PLXNA3: variants seen among roughly 807,000 people sequenced by gnomAD.
PLXNA3 encodes the protein plexin A3.
In PLXNA3, 52 loss-of-function variants were observed where a neutral mutation model predicts 118.8. The observed-to-expected ratio is 0.44, with a 90% CI of 0.35 to 0.55. The LOEUF is 0.55. PLXNA3 is among the 20% of genes least tolerant of loss of function. The pLI is 0.01. For missense variants in PLXNA3, 1,660 were observed against 1,730.8 expected, an observed-to-expected ratio of 0.96 and a Z score of 0.73; for synonymous variants, 925 against 762.4, an observed-to-expected ratio of 1.21 and a Z score of -3.51.
chrX:154,469,310 T>C (rs1474977553), intron 26 of PLXNA3, 69 bp from the exon 27 acceptor site: 4 of 1,156,005 alleles, frequency 3.5e-6, no homozygotes, highest in Admixed American at 2.2e-5. Flanking sequence ...GAACCCTGTT[T>C]CCAAAGAGGA....
Position 154,466,367 on chromosome X carries a change from C to G in PLXNA3, c.2800-9C>G. 1 of 1,211,709 alleles carries G rather than the reference C, an allele frequency of 8.3e-7. No homozygotes were observed. Among genetic ancestry groups the G allele is most frequent in the Non-Finnish European group, 1.1e-6 (1 of 895,555 alleles). ...CCGGCTCCTCCCCTCAGGGCAGCTT[C>G]TCCCGCAGACCCCAACGTTTGACCA... is the stretch of plus-strand genomic sequence containing the variant. On this transcript the variant is annotated splice_polypyrimidine_tract_variant and intron_variant, in intron 15 of 32. Coordinates refer to ENST00000369682, the MANE Select transcript of PLXNA3 (RefSeq NM_017514.5).
intron 4 of PLXNA3, 51 bp from the exon 5 acceptor site, chrX:154,463,340 T>C (rs782114621): frequency 2.3e-5 from 28 of 1,205,194 alleles, no homozygotes; most frequent in African/African-American, 1.1e-4. Context: ...GAGAAGACAG[T>C]GTCCCAGGTG....
intron 2 of PLXNA3, 84 bp from the exon 3 acceptor site, chrX:154,461,014 AG>A (rs2148244087): frequency 3.5e-6 from 3 of 868,722 alleles, no homozygotes; most frequent in East Asian, 6.3e-5. Context: ...TCCAGGCGGG[AG>A]GGGGATGCAG....
Position 154,464,750 on chromosome X carries a change from C to A in PLXNA3, c.1929-4C>A. The A allele has an allele frequency of 8.7e-7, 1 of 1,143,472 alleles. No homozygotes were observed. The highest frequency in any genetic ancestry group is 1.2e-6 in the Non-Finnish European group (1 of 849,080). 94.2% of individuals were successfully genotyped at this position (1,143,472 alleles called of 1,213,427 possible). ...TGTTATTTCTGAAGCCACTTCCCCC[C>A]CAGGTGCATGTCCTGTGTTGGCAGC... is the stretch of plus-strand genomic sequence containing the variant. On this transcript the variant is annotated splice_polypyrimidine_tract_variant and splice_region_variant and intron_variant, in intron 9 of 32. Coordinates refer to ENST00000369682, the MANE Select transcript of PLXNA3 (RefSeq NM_017514.5).
Position 154,470,185 on chromosome X carries a change from G to A in PLXNA3, c.4986+18G>A. The A allele has an allele frequency of 1.7e-6, 2 of 1,195,303 alleles. No homozygotes were observed. Among genetic ancestry groups the A allele is most frequent in the South Asian group, 3.6e-5 (2 of 55,055 alleles). ...CCACCAAGGTATGGGCCTGCCTCTC[G>A]CCACCTTGGCCTCCGCCCAGAGGTT... On this transcript the variant is annotated intron_variant, in intron 29 of 32. Coordinates refer to ENST00000369682, the MANE Select transcript of PLXNA3 (RefSeq NM_017514.5).
chrX:154,468,976 G>T lies in PLXNA3; in HGVS notation c.4434+7G>T. On this transcript the variant is annotated splice_region_variant and intron_variant, in intron 25 of 32. Transcript: ENST00000369682. ...GATCGACTACAAGACACTGGTGAGC[G>T]CAGGGCCAGGCGGGCCAGAGGTAGG... 1 of 1,211,191 alleles carries T rather than the reference G, an allele frequency of 8.3e-7. No individual in the cohort carries two copies. The highest frequency in any genetic ancestry group is 1.1e-6 in the Non-Finnish European group (1 of 895,101).
At position 154,460,307 on chromosome X, in the gene PLXNA3, A is replaced by G. The variant is rs782698823; in HGVS notation, c.124A>G (p.Thr42Ala). Residue 42 changes from threonine to alanine, a missense_variant, in exon 2 of 33, where the codon ACT becomes GCT. Around this residue, in one of 2 missense-constraint regions of PLXNA3, gnomAD observed 791 missense variants for 652.1 expected, o/e 1.21. Transcript: ENST00000369682. Reference protein sequence around the residue: ...TLTHLAVHRVTGEVFVGAVNR... With the variant: ...TLTHLAVHRVAGEVFVGAVNR... ...TACCCACCTGGCTGTGCACCGGGTG[A>G]CTGGGGAGGTGTTCGTGGGCGCAGT... 1 of 1,209,575 alleles carries G rather than the reference A, an allele frequency of 8.3e-7. No individual in the cohort carries two copies. The highest frequency in any genetic ancestry group is 3.0e-5 in the East Asian group (1 of 33,832).
rs1362877113 is a variant in PLXNA3 at position 154,458,336 on chromosome X, AGGCCGTGGGGACGTGCGAGCGG to A, written c.-114_-93del. 1 of 108,333 alleles carries A rather than the reference AGGCCGTGGGGACGTGCGAGCGG, an allele frequency of 9.2e-6. No individual in the cohort carries two copies. The highest frequency in any genetic ancestry group is 1.9e-5 in the Non-Finnish European group (1 of 51,492). 8.9% of individuals were successfully genotyped at this position (108,333 alleles called of 1,213,427 possible). A position where few individuals can be genotyped will look rare whatever the true frequency, so the allele number is the denominator to read the frequency against. ...CGCTTGGGGCCCGGGGCGCGGGGCG[AGGCCGTGGGGACGTGCGAGCGG>A]GGCCGCGGTGGGGCTCGGGGGCGCG... On this transcript the variant is annotated 5_prime_UTR_variant, in exon 1 of 33. Transcript: ENST00000369682.
chrX:154,466,406 C>A lies in PLXNA3; in HGVS notation c.2830C>A (p.Arg944Ser). 1.7e-6 allele frequency: 2 copies of A among 1,211,274 alleles called. No homozygotes were observed. Among genetic ancestry groups the A allele is most frequent in the Non-Finnish European group, 2.2e-6 (2 of 895,389 alleles). Residue 944 changes from arginine to serine, a missense_variant, in exon 16 of 33, where the codon CGT becomes AGT. Arg to Ser is a moderately radical substitution (Grantham distance 110). Around this residue, in one of 2 missense-constraint regions of PLXNA3, gnomAD observed 869 missense variants for 1,078.7 expected, o/e 0.81. Coordinates refer to ENST00000369682, the MANE Select transcript of PLXNA3 (RefSeq NM_017514.5). ...AACGTTTGACCAAGTGAGTCCCAGC[C>A]GTGGCCCGGCGTCCGGGGGCACACG... is the stretch of plus-strand genomic sequence containing the variant. Reference protein sequence around the residue: ...TPTFDQVSPSRGPASGGTRLT... With the variant: ...TPTFDQVSPSSGPASGGTRLT...
intron 3 of PLXNA3, 145 bp from the exon 4 acceptor site, chrX:154,461,983 C>T: frequency 4.1e-6 from 2 of 488,693 alleles, no homozygotes; most frequent in Non-Finnish European, 6.8e-6. Flanking sequence ...CACCAATTTC[C>T]TGGAGCACCC....
Position 154,465,190 on chromosome X carries a change from G to A in PLXNA3, c.2216G>A (p.Ser739Asn), listed in dbSNP as rs1557206522. 1 of 1,209,256 alleles carries A rather than the reference G, an allele frequency of 8.3e-7. No individual in the cohort carries two copies. The highest frequency in any genetic ancestry group is 2.2e-5 in the Admixed American group (1 of 46,046). Residue 739 changes from serine to asparagine, a missense_variant, in exon 11 of 33, where the codon AGC (serine) becomes AAC (asparagine). Transcript: ENST00000369682. ...CGGGTGCCTGCCGTGCGCTTCAACA[G>A]CAGCAGTGTGCAGTGCCAGAACGCC... ...QQRVPAVRFN[S>N]SSVQCQNASY...
rs782335463 is a variant in PLXNA3 at position 154,465,979 on chromosome X, C to T, written c.2577C>T (p.Thr859=). The change falls in exon 14 of 33, where the codon ACC becomes ACT. Residue 859 remains threonine, a synonymous_variant. Coordinates refer to ENST00000369682, the MANE Select transcript of PLXNA3 (RefSeq NM_017514.5). ...VGPKEGGTRV[T]IVGENLGLLS... The stretch of plus-strand genomic sequence containing the variant: ...CCAAGGAAGGAGGCACCCGGGTCAC[C>T]ATCGTGGGTGAGAACCTGGGCCTCT... 1 of 1,210,041 alleles carries T rather than the reference C, an allele frequency of 8.3e-7. No individual in the cohort carries two copies. Among genetic ancestry groups the T allele is most frequent in the African/African-American group, 1.7e-5 (1 of 57,516 alleles).
rs148276636 is a variant in PLXNA3 at position 154,466,776 on chromosome X, C to T, written c.3090C>T (p.Pro1030=). The change falls in exon 17 of 33, where the codon CCC becomes CCT. Residue 1030 remains proline, a synonymous_variant. Coordinates refer to ENST00000369682, the MANE Select transcript of PLXNA3 (RefSeq NM_017514.5). ...ACCCCACCGTCACCCGCCTTGAGCC[C>T]ACCTGGAGCATCATCAAGTAAGACC... ...TQDPTVTRLE[P]TWSIINGSTA... 5.3e-5 allele frequency: 63 copies of T among 1,183,125 alleles called. No homozygotes were observed. The highest frequency in any genetic ancestry group is 6.8e-5 in the Non-Finnish European group (60 of 881,227).
rs782378456 is a variant in PLXNA3, at chrX:154,464,232, G to A, written c.1747G>A (p.Glu583Lys). 36 of 1,207,259 alleles carry A rather than the reference G, an allele frequency of 3.0e-5. No homozygotes were observed. The highest frequency in any genetic ancestry group is 2.1e-4 in the African/African-American group (12 of 57,556). Residue 583 changes from glutamate to lysine, a missense_variant, in exon 8 of 33, where the codon GAG (glutamate) becomes AAG (lysine). Transcript: ENST00000369682. ...CGCCTTCGAGGCGGCGGCGGAGAAC[G>A]AGGCGGTCCTGCTGCCCTCCGGTGA... is the stretch of plus-strand genomic sequence containing the variant. ...SCAFEAAAEN[E>K]AVLLPSGELL...
In PLXNA3 at chrX:154,465,413, C is replaced by T. The variant is rs782184116; in HGVS notation, c.2245-11C>T. 1 of 1,194,128 alleles carries T rather than the reference C, an allele frequency of 8.4e-7. No individual in the cohort carries two copies. Among genetic ancestry groups the T allele is most frequent in the South Asian group, 1.8e-5 (1 of 56,370 alleles). ...ATCTTATCTGGGGTCCCATGGGTTC[C>T]TTTCCTCCAGTACTCCTATGAAGGT... On this transcript the variant is annotated splice_polypyrimidine_tract_variant and intron_variant, in intron 11 of 32. Coordinates refer to ENST00000369682, the MANE Select transcript of PLXNA3 (RefSeq NM_017514.5).
In PLXNA3 at chrX:154,463,509, G is replaced by C. The variant is rs1344845201; in HGVS notation, c.1436G>C (p.Ser479Thr). ...SPDHRHIYLL[S>T]EKQVSQLPVE... The stretch of plus-strand genomic sequence containing the variant: ...GACCACCGGCACATCTATCTCCTGA[G>C]TGAGAAGCAGGTGGGCCTGTGGTGG... Residue 479 changes from serine (S) to threonine (T), a missense_variant, in exon 5 of 33, where the codon AGT becomes ACT. By Grantham distance (58) the Ser-to-Thr change is moderately conservative (BLOSUM62 1). Transcript: ENST00000369682. 8.3e-7 allele frequency: 1 copy of C among 1,197,716 alleles called. No individual in the cohort carries two copies. The highest frequency in any genetic ancestry group is 1.8e-5 in the African/African-American group (1 of 54,556).
intron 27 of PLXNA3, 48 bp from the exon 28 acceptor site, chrX:154,469,640 G>A: frequency 8.9e-7 from 1 of 1,127,905 alleles, no homozygotes. Context: ...GGGGCGCCTT[G>A]GCTTCTCAGC....
At chrX:154,463,302 C>T in intron 4 of PLXNA3, 89 bp from the exon 5 acceptor site, 2 of 1,168,943 alleles carry the variant, frequency 1.7e-6, no homozygotes, top group Non-Finnish European at 2.3e-6. Context: ...GACGTCAGCT[C>T]AGCCACAACC....
At chrX:154,464,126 C>T (rs370685596) in intron 7 of PLXNA3, 31 bp from the exon 8 acceptor site, 38 of 1,206,724 alleles carry the variant, frequency 3.1e-5, no homozygotes, top group South Asian at 1.6e-4. Flanking sequence ...GCTGGGAGTC[C>T]GCCCTGCCCT....
Sources: gnomAD v4.1 joint callset for allele counts on GRCh38, gnomAD v4.1.1 for gene constraint, gnomAD v4.1.1 regional missense constraint, MANE v1.5 for transcripts, NCBI Gene and HGNC (gene_info 2026-07-23, HGNC 2026-07-21) for gene names.